RASAL2: variants seen among roughly 807,000 people sequenced by gnomAD.
The protein encoded by RASAL2 is ras GTPase-activating protein nGAP.
A neutral mutation model predicts 128.9 loss-of-function variants in RASAL2; 58 were observed. The observed-to-expected ratio is 0.45, with a 90% CI of 0.36 to 0.56. The LOEUF is 0.56. Ranked by LOEUF, RASAL2 falls within the 20% of genes least tolerant of loss-of-function variation. RASAL2 has a pLI of 0.00. For missense variants in RASAL2, 1,360 were observed against 1,601.6 expected (o/e 0.85, Z 2.57); for synonymous variants, 561 against 580.8 (o/e 0.97, Z 0.49).
chr1:178,229,103 C>T (rs1226214924), intron 1 of RASAL2, among the ~76,000 whole-genome samples: 1 of 152,112 alleles, frequency 6.6e-6, no homozygotes, highest in Non-Finnish European at 1.5e-5. Flanking sequence ...TTTTATCTAC[C>T]TTTATATGCA....
At chr1:178,441,335 T>A (rs1676635783) in intron 6 of RASAL2, among the ~76,000 whole-genome samples, 2 of 152,174 alleles carry the variant, frequency 1.3e-5, no homozygotes, top group African/African-American at 4.8e-5. Flanking sequence ...TTTTTAGTAT[T>A]GGTAAGGATG....
chr1:178,213,087 G>A (rs1348209118), intron 1 of RASAL2, among the ~76,000 whole-genome samples: 1 of 152,076 alleles, frequency 6.6e-6, no homozygotes, highest in Non-Finnish European at 1.5e-5. Flanking sequence ...CCAGGCTGGA[G>A]TGCAGTGGTG....
chr1:178,130,553 A>G (rs1459924156), intron 1 of RASAL2, among the ~76,000 whole-genome samples: 2 of 152,350 alleles, frequency 1.3e-5, no homozygotes, highest in East Asian at 3.9e-4. Context: ...TGACTACAGT[A>G]TATATTGAAT....
chr1:178,351,807 C>A lies in RASAL2; in HGVS notation c.458-38293C>A, dbSNP rs866616278. ...AAGGGAGAAATTGGCCAAAAGAAAGCGGCTACAGGCCCCATACAAGTCTGA... is the reference window on the plus strand; with the variant it reads ...AAGGGAGAAATTGGCCAAAAGAAAGAGGCTACAGGCCCCATACAAGTCTGA... On this transcript the variant is annotated intron_variant, in intron 3 of 17. Transcript: ENST00000367649. 5.3e-5 allele frequency among the ~76,000 whole-genome samples: 8 copies of A among 151,574 alleles called. No homozygotes were observed. The South Asian group carries it at 1.7e-3, about 32-fold the overall frequency.
At chr1:178,388,937 G>A (rs1264885336) in intron 3 of RASAL2, among the ~76,000 whole-genome samples, 1 of 152,204 alleles carries the variant, frequency 6.6e-6, no homozygotes, top group Non-Finnish European at 1.5e-5. Flanking sequence ...GCAGTCCTGT[G>A]TATTTCTTTC....
At chr1:178,373,474 C>T (rs1671834270) in intron 3 of RASAL2, among the ~76,000 whole-genome samples, 1 of 151,624 alleles carries the variant, frequency 6.6e-6, no homozygotes, top group South Asian at 2.1e-4. Context: ...CTTCCCATTC[C>T]CCTCCCCTGA....
chr1:178,278,646 C>T (rs1462460232), intron 1 of RASAL2, among the ~76,000 whole-genome samples: 4 of 151,938 alleles, frequency 2.6e-5, no homozygotes, highest in Admixed American at 2.6e-4. Context: ...TTTTCTTACC[C>T]ATTCTTCATA....
intron 1 of RASAL2, among the ~76,000 whole-genome samples, chr1:178,247,823 T>C (rs1271217505): frequency 6.6e-6 from 1 of 152,216 alleles, no homozygotes; most frequent in Non-Finnish European, 1.5e-5. Flanking sequence ...AATTTCGTTA[T>C]TTACGCAGTA....
intron 1 of RASAL2, among the ~76,000 whole-genome samples, chr1:178,210,507 A>G (rs1400579084): frequency 1.3e-5 from 2 of 152,234 alleles, no homozygotes; most frequent in Non-Finnish European, 2.9e-5. Context: ...ATAACTTAAA[A>G]GATTTTTTGT....
chr1:178,225,054 G>GT (rs554381511), intron 1 of RASAL2, among the ~76,000 whole-genome samples: 3 of 151,838 alleles, frequency 2.0e-5, no homozygotes, highest in Non-Finnish European at 2.9e-5. Flanking sequence ...ATATACTTGT[G>GT]TTTTTTTATT....
chr1:178,131,085 C>CA (rs1448000215), intron 1 of RASAL2, among the ~76,000 whole-genome samples: 28 of 147,154 alleles, frequency 1.9e-4, no homozygotes, highest in African/African-American at 4.5e-4. Flanking sequence ...CAAAAAAAAC[C>CA]AAAAAAAAAC....
chr1:178,309,869 G>A (rs1447117805), intron 3 of RASAL2, among the ~76,000 whole-genome samples: 1 of 151,966 alleles, frequency 6.6e-6, no homozygotes, highest in Non-Finnish European at 1.5e-5. Context: ...ATTGATAGAA[G>A]GAGGGTTATT....
chr1:178,439,317 C>A (rs1676467870), intron 5 of RASAL2, 105 bp from the exon 6 acceptor site: 3 of 1,005,082 alleles, frequency 3.0e-6, no homozygotes, highest in Non-Finnish European at 4.3e-6. Flanking sequence ...TCATTTATTT[C>A]TTCCCTTAGG....
chr1:178,227,287 G>A (rs1053944067), intron 1 of RASAL2, among the ~76,000 whole-genome samples: 1 of 151,760 alleles, frequency 6.6e-6, no homozygotes, highest in Non-Finnish European at 1.5e-5. Context: ...CTTACATGTC[G>A]TTGTCTAAGT....
chr1:178,101,178 T>G (rs912815949), intron 1 of RASAL2, among the ~76,000 whole-genome samples: 1 of 152,068 alleles, frequency 6.6e-6, no homozygotes, highest in Non-Finnish European at 1.5e-5. Context: ...TGCAGTGGTG[T>G]TAGTGAGTAT....
chr1:178,100,246 T>C (rs2102218435), intron 1 of RASAL2, among the ~76,000 whole-genome samples: 1 of 152,078 alleles, frequency 6.6e-6, no homozygotes, highest in African/African-American at 2.4e-5. Context: ...CCGGGCGCGG[T>C]GGCTTATGCC....
At chr1:178,369,424 A>G (rs1671583953) in intron 3 of RASAL2, among the ~76,000 whole-genome samples, 1 of 151,834 alleles carries the variant, frequency 6.6e-6, no homozygotes, top group Non-Finnish European at 1.5e-5. Context: ...GGGTTTCACC[A>G]TGTTGGCCAG....
chr1:178,128,337 ATACT>A (rs934098042), intron 1 of RASAL2, among the ~76,000 whole-genome samples: 77 of 152,266 alleles, frequency 5.1e-4, no homozygotes, highest in African/African-American at 1.7e-3. Context: ...GAATAACATA[ATACT>A]TAATTTCTCT....
intron 1 of RASAL2, among the ~76,000 whole-genome samples, chr1:178,171,505 A>G (rs1661705226): frequency 6.6e-6 from 1 of 151,956 alleles, no homozygotes. Flanking sequence ...AAAAGGACTA[A>G]CCATTTTGAA....
Sources: allele counts gnomAD v4.1 joint callset (sites outside exome capture counted in the v4.1 genomes callset), GRCh38; gene constraint gnomAD v4.1.1; transcripts MANE v1.5; gene names NCBI Gene and HGNC (gene_info 2026-07-23, HGNC 2026-07-21).